CYSLTR1: variants seen among roughly 807,000 people sequenced by gnomAD.
The protein encoded by CYSLTR1 is G-protein coupled receptor HG55.
CYSLTR1 carries 1 observed loss-of-function variant against 2.1 expected under a neutral mutation model. The observed-to-expected ratio is 0.48, with a 90% confidence interval of 0.17 to 2.28. The LOEUF is 2.28. Among genes scored for constraint, CYSLTR1 ranks in the 30% most tolerant of loss-of-function variants. CYSLTR1 has a pLI of 0.26. For missense variants in CYSLTR1, 299 were observed against 250.1 expected (o/e 1.20, Z -1.32); for synonymous variants, 110 against 89.6 (o/e 1.23, Z -1.28).
chrX:78,316,141 C>T (rs1312568430), intron 1 of CYSLTR1, among the ~76,000 whole-genome samples: 1 of 112,473 alleles, frequency 8.9e-6, no homozygotes, highest in Non-Finnish European at 1.9e-5. Context: ...CACATCTTAT[C>T]CAAGACCATC....
chrX:78,302,307 C>G lies in CYSLTR1; in HGVS notation c.-114-18767G>C, dbSNP rs932442985. ...CTAGCCTTGGACTCACCCTGCATGGCAGTGGGCTCCCCTCTGGCCCAGGGA... is the reference window on the plus strand; with the variant it reads ...CTAGCCTTGGACTCACCCTGCATGGGAGTGGGCTCCCCTCTGGCCCAGGGA... On this transcript the variant is annotated intron_variant, in intron 1 of 2. Coordinates refer to ENST00000373304, the MANE Select transcript of CYSLTR1 (RefSeq NM_006639.4). Among the ~76,000 whole-genome samples, 21 of 112,267 alleles carry G rather than the reference C, an allele frequency of 1.9e-4. 1 individual carries two copies. Among genetic ancestry groups the G allele is most frequent in the African/African-American group, 6.5e-4 (20 of 30,899 alleles).
intron 1 of CYSLTR1, among the ~76,000 whole-genome samples, chrX:78,290,455 G>T (rs1334699958): frequency 9.0e-6 from 1 of 111,530 alleles, no homozygotes; most frequent in Non-Finnish European, 1.9e-5. Flanking sequence ...GCTCTTTTTT[G>T]GTTCCATATG....
rs768749198 is a variant in CYSLTR1, at chrX:78,273,254, T to C, written c.493A>G (p.Lys165Glu). ...CACTTGGTATTATTTTTCTCATCTT[T>C]TTGTGGTTTGGCCATTAGAAATGGA... ...SSPFLMAKPQ[K>E]DEKNNTKCFE... Residue 165 changes from lysine (K) to glutamate (E), a missense_variant, in exon 3 of 3, where the codon AAA (lysine) becomes GAA (glutamate). Transcript: ENST00000373304. The C allele has an allele frequency of 1.3e-5, 16 of 1,210,414 alleles. No homozygotes were observed. In the South Asian group the frequency reaches 2.6e-4, roughly 20 times the overall value.
chrX:78,293,686 C>A (rs920393712), intron 1 of CYSLTR1, among the ~76,000 whole-genome samples: 1 of 111,351 alleles, frequency 9.0e-6, no homozygotes, highest in Non-Finnish European at 1.9e-5. Flanking sequence ...TCTTTTTACC[C>A]TTTTTTTCTC....
chrX:78,321,246 AG>A (rs1923644213), intron 1 of CYSLTR1: 1 of 108,233 alleles, frequency 9.2e-6, no homozygotes, highest in Admixed American at 1.0e-4. Context: ...TATATCTAGT[AG>A]GGTAGAATCT....
At chrX:78,314,830 AG>A (rs1419606166) in intron 1 of CYSLTR1, among the ~76,000 whole-genome samples, 2 of 109,451 alleles carry the variant, frequency 1.8e-5, no homozygotes, top group Non-Finnish European at 3.8e-5. Context: ...TAATCTTGAA[AG>A]GCAGCCTAGG....
At chrX:78,282,064 C>T (rs1921867406) in intron 2 of CYSLTR1, among the ~76,000 whole-genome samples, 1 of 111,880 alleles carries the variant, frequency 8.9e-6, no homozygotes, top group African/African-American at 3.2e-5. Context: ...TTTAGTATGC[C>T]AGTGACATGT....
intron 1 of CYSLTR1, among the ~76,000 whole-genome samples, chrX:78,307,792 C>T (rs187749113): frequency 9.0e-6 from 1 of 111,580 alleles, no homozygotes; most frequent in East Asian, 2.8e-4. Context: ...GAAGTGTGGA[C>T]TTGTAAATAA....
At chrX:78,295,193 A>C (rs1014954120) in intron 1 of CYSLTR1, among the ~76,000 whole-genome samples, 1 of 111,720 alleles carries the variant, frequency 9.0e-6, no homozygotes, top group Non-Finnish European at 1.9e-5. Context: ...TGTTGTTGCA[A>C]ATGACAGTAT....
rs775788229 is a variant in CYSLTR1 at position 78,325,891 on chromosome X, GATAA to G, written c.-115+1410_-115+1413del. ...GTGGAAGAGTCTTGCTTTTATGACA[GATAA>G]ATAGTTTCTAAATGCATCAAAATTT... On this transcript the variant is annotated intron_variant, in intron 1 of 2. Transcript: ENST00000373304. Among the ~76,000 whole-genome samples the G allele has an allele frequency of 2.5e-4, 28 of 111,957 alleles. No individual in the cohort carries two copies. In the South Asian group the frequency reaches 0.01, roughly 42 times the overall value.
At chrX:78,309,458 A>G (rs775682702) in intron 1 of CYSLTR1, among the ~76,000 whole-genome samples, 48 of 111,902 alleles carry the variant, frequency 4.3e-4, no homozygotes, top group Middle Eastern at 4.6e-3. Flanking sequence ...CTTTAGAATA[A>G]GAAATGGCAT....
At chrX:78,296,804 T>A (rs976496602) in intron 1 of CYSLTR1, among the ~76,000 whole-genome samples, 2 of 111,828 alleles carry the variant, frequency 1.8e-5, no homozygotes, top group Non-Finnish European at 3.8e-5. Context: ...AATCTTTAGG[T>A]TTTTCCAAAT....
At chrX:78,277,034 G>A (rs1275194070) in intron 2 of CYSLTR1, among the ~76,000 whole-genome samples, 1 of 111,297 alleles carries the variant, frequency 9.0e-6, no homozygotes, top group Non-Finnish European at 1.9e-5. Flanking sequence ...GAGCTAGCAG[G>A]GAGAACTTCT....
intron 1 of CYSLTR1, among the ~76,000 whole-genome samples, chrX:78,308,476 G>A (rs1041216462): frequency 9.0e-6 from 1 of 111,100 alleles, no homozygotes; most frequent in African/African-American, 3.3e-5. Flanking sequence ...GGCTGGAAAT[G>A]GAGCCTCTAA....
Position 78,273,501 on chromosome X carries a change from A to G in CYSLTR1, c.246T>C (p.Tyr82=). The change falls in exon 3 of 3, where the codon TAT becomes TAC. Residue 82 remains tyrosine, a synonymous_variant. Transcript: ENST00000373304. ...AGAGCCAAATGCCTTTGTGAACATA[A>G]TAGACCACACGGAGAGGCAGTGTGC... ...CVCTLPLRVV[Y]YVHKGIWLFG... 4 of 1,211,882 alleles carry G rather than the reference A, an allele frequency of 3.3e-6. No individual in the cohort carries two copies. Among genetic ancestry groups the G allele is most frequent in the Non-Finnish European group, 4.5e-6 (4 of 895,534 alleles).
At chrX:78,282,844 C>T (rs778714633) in intron 2 of CYSLTR1, among the ~76,000 whole-genome samples, 13 of 112,249 alleles carry the variant, frequency 1.2e-4, no homozygotes, top group Admixed American at 8.5e-4. Context: ...CTAAATAAAA[C>T]TGATAAATAA....
chrX:78,291,600 T>C (rs1223184090), intron 1 of CYSLTR1, among the ~76,000 whole-genome samples: 2 of 111,053 alleles, frequency 1.8e-5, no homozygotes, highest in African/African-American at 3.3e-5. Flanking sequence ...CCTGGACTTT[T>C]TTTGGTTGGT....
intron 1 of CYSLTR1, among the ~76,000 whole-genome samples, chrX:78,301,346 GCT>G (rs1247235563): frequency 1.8e-5 from 2 of 111,946 alleles, no homozygotes; most frequent in East Asian, 2.8e-4. Context: ...GACCTTTTAT[GCT>G]CTGTTTCCCT....
chrX:78,319,684 C>T (rs368130839), intron 1 of CYSLTR1: 4 of 111,797 alleles, frequency 3.6e-5, no homozygotes, highest in African/African-American at 1.3e-4. Flanking sequence ...CCTGAGGAAT[C>T]GCCACAGACT....
Sources: allele counts gnomAD v4.1 joint callset (sites outside exome capture counted in the v4.1 genomes callset), GRCh38; gene constraint gnomAD v4.1.1; transcripts MANE v1.5; gene names NCBI Gene and HGNC (gene_info 2026-07-23, HGNC 2026-07-21).